Variants in PPP2R3A observed in about 807,000 individuals in gnomAD.
The protein encoded by PPP2R3A is serine/threonine-protein phosphatase 2A regulatory subunit B'' subunit alpha.
PPP2R3A carries 80 observed loss-of-function variants against 106.9 expected under a neutral mutation model. The ratio of observed to expected loss-of-function variants is 0.75; its 90% CI spans 0.62 to 0.90. The LOEUF is 0.90. Ranked by LOEUF, PPP2R3A falls within the 40% of genes least tolerant of loss-of-function variation. The pLI, the probability that PPP2R3A is intolerant of heterozygous loss-of-function variation, is 0.00. For missense variants in PPP2R3A, 1,386 were observed against 1,350.4 expected (o/e 1.03, Z -0.41); for synonymous variants, 483 against 468.3 (o/e 1.03, Z -0.41).
intron 13 of PPP2R3A, among the ~76,000 whole-genome samples, chr3:136,129,368 A>G (rs1401677513): frequency 6.6e-5 from 10 of 152,228 alleles, no homozygotes; most frequent in Non-Finnish European, 1.3e-4. Flanking sequence ...ACAAACTACC[A>G]TCAGAGAATA....
chr3:136,049,235 C>T (rs1232890023), intron 4 of PPP2R3A, 24 bp from the exon 5 acceptor site: 10 of 1,539,130 alleles, frequency 6.5e-6, no homozygotes, highest in Non-Finnish European at 8.0e-6. Context: ...AACTAATCTT[C>T]CTAAGCAGTT....
Position 136,005,638 on chromosome 3 carries a change from T to C in PPP2R3A, c.1995+2145T>C, listed in dbSNP as rs970141186. On this transcript the variant is annotated intron_variant, in intron 2 of 13. Transcript: ENST00000264977. ...AAAAATCCCTTCACATGGTTTTTTT[T>C]CCCACATGACACATTGCAGTACACA... Among the ~76,000 whole-genome samples the C allele has an allele frequency of 3.3e-5, 5 of 152,214 alleles. No individual in the cohort carries two copies. In the East Asian group the frequency reaches 7.7e-4, roughly 24 times the overall value.
At chr3:136,113,576 A>G (rs960773838) in intron 13 of PPP2R3A, among the ~76,000 whole-genome samples, 19 of 152,188 alleles carry the variant, frequency 1.2e-4, no homozygotes, top group Non-Finnish European at 2.5e-4. Context: ...GGATCACTTG[A>G]GGCTAGGAGT....
At chr3:136,071,383 T>G (rs1936424976) in intron 6 of PPP2R3A, among the ~76,000 whole-genome samples, 1 of 152,256 alleles carries the variant, frequency 6.6e-6, no homozygotes, top group African/African-American at 2.4e-5. Flanking sequence ...TATTTTTCAT[T>G]CAGTGCTTTT....
chr3:135,971,914 A>G (rs570154926), intron 1 of PPP2R3A, among the ~76,000 whole-genome samples: 1 of 152,252 alleles, frequency 6.6e-6, no homozygotes, highest in East Asian at 1.9e-4. Context: ...GAGTGGGGAG[A>G]GGACTTGGAG....
intron 7 of PPP2R3A, among the ~76,000 whole-genome samples, chr3:136,078,891 C>A (rs1936685694): frequency 6.6e-6 from 1 of 152,144 alleles, no homozygotes; most frequent in Admixed American, 6.5e-5. Flanking sequence ...CTAAAAATTC[C>A]TTTTAAGAAA....
chr3:135,978,774 T>C (rs1040994799), intron 1 of PPP2R3A, among the ~76,000 whole-genome samples: 8 of 151,886 alleles, frequency 5.3e-5, no homozygotes, highest in Non-Finnish European at 1.0e-4. Context: ...CAGTTTGTTA[T>C]TTTGGATGCT....
At chr3:136,012,607 GAAA>G (rs775732204) in intron 2 of PPP2R3A, among the ~76,000 whole-genome samples, 9 of 144,368 alleles carry the variant, frequency 6.2e-5, no homozygotes, top group Admixed American at 2.1e-4. Flanking sequence ...ATTTAAGAGT[GAAA>G]AAAAAAATAG....
chr3:136,082,549 T>G, intron 8 of PPP2R3A, 128 bp downstream of exon 8: 1 of 964,820 alleles, frequency 1.0e-6, no homozygotes, highest in Non-Finnish European at 1.6e-6. Context: ...AGGCCAATAA[T>G]TTTTAAGAGG....
chr3:136,103,236 A>G, intron 11 of PPP2R3A, 22 bp from the exon 12 acceptor site: 1 of 1,500,328 alleles, frequency 6.7e-7, no homozygotes, highest in East Asian at 2.3e-5. Context: ...GAAATTTACC[A>G]GATTTGTTTA....
chr3:136,004,251 A>G (rs1933764425), intron 2 of PPP2R3A, among the ~76,000 whole-genome samples: 1 of 152,220 alleles, frequency 6.6e-6, no homozygotes, highest in Non-Finnish European at 1.5e-5. Flanking sequence ...TTTTATTTAC[A>G]TACGTGTGTC....
chr3:136,040,387 A>G (rs572872515), intron 3 of PPP2R3A, among the ~76,000 whole-genome samples: 13 of 152,278 alleles, frequency 8.5e-5, no homozygotes, highest in Non-Finnish European at 1.5e-5. Context: ...TAAAAATACA[A>G]AAATTTGCCA....
intron 4 of PPP2R3A, among the ~76,000 whole-genome samples, chr3:136,043,971 G>T (rs1211584622): frequency 2.6e-5 from 4 of 152,132 alleles, no homozygotes; most frequent in Admixed American, 6.5e-5. Flanking sequence ...GACCATTTCT[G>T]ATTTCACTTT....
chr3:136,128,958 G>C (rs989656873), intron 13 of PPP2R3A, among the ~76,000 whole-genome samples: 10 of 152,202 alleles, frequency 6.6e-5, no homozygotes, highest in Non-Finnish European at 1.2e-4. Context: ...TAAAGATGTT[G>C]TTTGAAACCA....
At chr3:136,058,554 G>A (rs1026022219) in intron 5 of PPP2R3A, among the ~76,000 whole-genome samples, 2 of 152,136 alleles carry the variant, frequency 1.3e-5, no homozygotes, top group African/African-American at 4.8e-5. Flanking sequence ...CTCATGGGTA[G>A]CAAGAATTAA....
At position 136,147,580 on chromosome 3, in the gene PPP2R3A, A is replaced by T. The variant is rs139782596; in HGVS notation, c.*2414A>T. 1 of 152,756 alleles carries T rather than the reference A, an allele frequency of 6.5e-6. No homozygotes were observed. Among genetic ancestry groups the T allele is most frequent in the East Asian group, 1.9e-4 (1 of 5,192 alleles). The allele number at this position is 152,756 out of a possible 1,614,324, so 9.5% of individuals were successfully genotyped here. A position where few individuals can be genotyped will look rare whatever the true frequency, so the allele number is the denominator to read the frequency against. The stretch of plus-strand genomic sequence containing the variant: ...AAGATCATGGTTAAGTATAATCATT[A>T]CTGCCAAACTGGAATTTTCAAGTTA... On this transcript the variant is annotated 3_prime_UTR_variant, in exon 14 of 14. Transcript: ENST00000264977.
intron 13 of PPP2R3A, among the ~76,000 whole-genome samples, chr3:136,136,074 T>TTATATATA (rs1410076640): frequency 6.3e-4 from 19 of 30,352 alleles, no homozygotes; most frequent in Non-Finnish European, 1.2e-3. Flanking sequence ...AAAAAAAAAA[T>TTATATATA]TATATATATA....
At position 136,001,906 on chromosome 3, in the gene PPP2R3A, C is replaced by A. The variant is rs1489900509; in HGVS notation, c.408C>A (p.Asn136Lys). 2 of 1,614,034 alleles carry A rather than the reference C, an allele frequency of 1.2e-6. No homozygotes were observed. The highest frequency in any genetic ancestry group is 2.7e-5 in the African/African-American group (2 of 74,916). ...EFSFEKLKNS[N>K]HAAYRKGRKV... ...CCTTTGAAAAACTCAAAAACTCTAA[C>A]CATGCAGCTTACAGAAAGGGAAGGA... The change falls in exon 2 of 14, where the codon AAC becomes AAA. Residue 136 changes from asparagine (N) to lysine (K), a missense_variant. By Grantham distance (94) the Asn-to-Lys change is moderately conservative. Transcript: ENST00000264977.
chr3:136,092,421 T>C (rs990498113), intron 10 of PPP2R3A, among the ~76,000 whole-genome samples: 2 of 152,200 alleles, frequency 1.3e-5, no homozygotes, highest in African/African-American at 4.8e-5. Flanking sequence ...CCCAAACTGA[T>C]CTACAGATTC....
Sources: gnomAD v4.1 joint callset for allele counts (sites outside exome capture counted in the v4.1 genomes callset) on GRCh38, gnomAD v4.1.1 for gene constraint, MANE v1.5 for transcripts, NCBI Gene and HGNC (gene_info 2026-07-23, HGNC 2026-07-21) for gene names.